The following ATXN1 variants were observed in gnomAD, a reference collection of about 807,000 sequenced individuals.
ATXN1 encodes the protein ataxin 1, also known as ataxin-1.
Under a neutral mutation model 56.4 loss-of-function variants are expected in ATXN1, and 8 were observed. The ratio of observed to expected loss-of-function variants is 0.14; its 90% CI spans 0.08 to 0.26. ATXN1 has a LOEUF of 0.26. Among genes scored for constraint, ATXN1 ranks in the 10% least tolerant of loss-of-function variants. The pLI, the probability that ATXN1 is intolerant of heterozygous loss-of-function variation, is 1.00. For missense variants in ATXN1, 987 were observed against 1,106.5 expected, an observed-to-expected ratio of 0.89 and a Z score of 1.53; for synonymous variants, 514 against 494.6, an observed-to-expected ratio of 1.04 and a Z score of -0.52.
At chr6:16,579,155 G>A (rs1053600456) in intron 4 of ATXN1, among the ~76,000 whole-genome samples, 2 of 152,174 alleles carry the variant, frequency 1.3e-5, no homozygotes, top group African/African-American at 4.8e-5. Flanking sequence ...GCATCTGGAA[G>A]AGGGTTGCCT....
At chr6:16,443,066 C>T (rs1759550782) in intron 6 of ATXN1, among the ~76,000 whole-genome samples, 2 of 151,864 alleles carry the variant, frequency 1.3e-5, no homozygotes, top group Admixed American at 6.6e-5. Context: ...CCTGTAGTCC[C>T]AGCTACTTGG....
chr6:16,550,017 G>A (rs1306787185), intron 4 of ATXN1, among the ~76,000 whole-genome samples: 1 of 151,642 alleles, frequency 6.6e-6, no homozygotes, highest in African/African-American at 2.4e-5. Context: ...GTTGGGGACT[G>A]GGGTGGGGAG....
At chr6:16,601,512 A>G (rs1410401668) in intron 3 of ATXN1, among the ~76,000 whole-genome samples, 1 of 152,088 alleles carries the variant, frequency 6.6e-6, no homozygotes, top group Admixed American at 6.5e-5. Context: ...TTCTATTCTG[A>G]CTTTCTAACA....
chr6:16,486,622 C>T (rs565086844), intron 5 of ATXN1, among the ~76,000 whole-genome samples: 232 of 152,226 alleles, frequency 1.5e-3, no homozygotes, highest in Non-Finnish European at 1.4e-3. Flanking sequence ...TCAACTATCC[C>T]GGGAGCATCC....
At chr6:16,459,747 G>A (rs556025562) in intron 6 of ATXN1, among the ~76,000 whole-genome samples, 22 of 152,258 alleles carry the variant, frequency 1.4e-4, no homozygotes, top group Middle Eastern at 6.8e-3. Flanking sequence ...TCATCTGTTT[G>A]GTCAGGCACT....
intron 7 of ATXN1, among the ~76,000 whole-genome samples, chr6:16,315,185 G>C (rs190943390): frequency 1.3e-5 from 2 of 152,174 alleles, no homozygotes; most frequent in East Asian, 3.9e-4. Context: ...CAGACCTCCC[G>C]ATGTGCCCCT....
intron 4 of ATXN1, among the ~76,000 whole-genome samples, chr6:16,562,453 AAGGAG>A (rs60418833): frequency 0.61 from 69,337 of 114,090 alleles, 22,667 homozygotes; most frequent in Non-Finnish European, 0.73. Context: ...AAAGAAAGAA[AAGGAG>A]AGGAGAGGAG....
chr6:16,518,090 C>A lies in ATXN1; in HGVS notation c.-299+4537G>T, dbSNP rs190002992. Among the ~76,000 whole-genome samples, 501 of 150,006 alleles carry A rather than the reference C, an allele frequency of 3.3e-3. 1 individual carries two copies. Among genetic ancestry groups the A allele is most frequent in the African/African-American group, 0.012 (486 of 40,342 alleles). ...ATAGAGGAGACTAACAATAAACCAG[C>A]AGTCGGATGCAGAAGCCCAAGCGCC... On this transcript the variant is annotated intron_variant, in intron 5 of 7. Coordinates refer to ENST00000436367, the MANE Select transcript of ATXN1 (RefSeq NM_001128164.2).
chr6:16,624,212 G>A lies in ATXN1; in HGVS notation c.-489+33564C>T, dbSNP rs575145521. Reference sequence around the variant, plus strand: ...CTAAAAATACAGAAATTAGCCAGGCGTCGTGGCAGGTTCCTGTAATCCCAG... The same window carrying A: ...CTAAAAATACAGAAATTAGCCAGGCATCGTGGCAGGTTCCTGTAATCCCAG... On this transcript the variant is annotated intron_variant, in intron 3 of 7. Transcript: ENST00000436367. Among the ~76,000 whole-genome samples the A allele has an allele frequency of 1.1e-4, 16 of 152,168 alleles. No homozygotes were observed. The South Asian group carries it at 1.2e-3, about 12-fold the overall frequency.
chr6:16,683,971 TG>T (rs1175305253), intron 2 of ATXN1, among the ~76,000 whole-genome samples: 1 of 152,218 alleles, frequency 6.6e-6, no homozygotes. Flanking sequence ...GCCCCTCCCT[TG>T]GTCTGGCATG....
At chr6:16,518,356 A>G (rs1761225164) in intron 5 of ATXN1, among the ~76,000 whole-genome samples, 1 of 152,138 alleles carries the variant, frequency 6.6e-6, no homozygotes, top group Non-Finnish European at 1.5e-5. Flanking sequence ...CCCTCCTTGG[A>G]TAGGGTGAAT....
chr6:16,587,229 T>G (rs186935127), intron 3 of ATXN1, among the ~76,000 whole-genome samples: 1 of 152,212 alleles, frequency 6.6e-6, no homozygotes, highest in Non-Finnish European at 1.5e-5. Flanking sequence ...CAAATCCAGA[T>G]GCCAAAACAC....
At chr6:16,579,847 TAGAG>T (rs990533142) in intron 4 of ATXN1, among the ~76,000 whole-genome samples, 3 of 149,716 alleles carry the variant, frequency 2.0e-5, no homozygotes, top group African/African-American at 4.9e-5. Flanking sequence ...GCTCCCATTT[TAGAG>T]AGAGAGAGAG....
chr6:16,311,375 A>G (rs556742141), intron 7 of ATXN1, among the ~76,000 whole-genome samples: 1 of 152,332 alleles, frequency 6.6e-6, no homozygotes, highest in African/African-American at 2.4e-5. Flanking sequence ...GTGAGCAAAG[A>G]CATTACAATG....
At chr6:16,475,854 C>T (rs1351099902) in intron 6 of ATXN1, among the ~76,000 whole-genome samples, 2 of 151,418 alleles carry the variant, frequency 1.3e-5, no homozygotes, top group Admixed American at 1.3e-4. Context: ...GTGTCCCTAT[C>T]TTCTCCTTAG....
chr6:16,426,009 C>A lies in ATXN1; in HGVS notation c.-161+59963G>T, dbSNP rs1759146063. ...GCATATGGCACAAGACAGGCTGGAG[C>A]AGATCACAAGGAAAGACTCGTTGGC... On this transcript the variant is annotated intron_variant, in intron 6 of 7. Coordinates refer to ENST00000436367, the MANE Select transcript of ATXN1 (RefSeq NM_001128164.2). Among the ~76,000 whole-genome samples, 3 of 152,122 alleles carry A rather than the reference C, an allele frequency of 2.0e-5. No homozygotes were observed. The South Asian group carries it at 6.2e-4, about 31-fold the overall frequency.
intron 6 of ATXN1, among the ~76,000 whole-genome samples, chr6:16,457,389 A>G (rs1378963483): frequency 6.6e-6 from 1 of 151,904 alleles, no homozygotes; most frequent in African/African-American, 2.4e-5. Context: ...GAGAAGAGAA[A>G]AAAAAAAAAA....
At chr6:16,647,429 T>C (rs1398800205) in intron 3 of ATXN1, among the ~76,000 whole-genome samples, 1 of 152,230 alleles carries the variant, frequency 6.6e-6, no homozygotes. Context: ...CTCAAGAACC[T>C]ACACTTTTCA....
intron 6 of ATXN1, among the ~76,000 whole-genome samples, chr6:16,362,922 C>T (rs554603112): frequency 2.4e-4 from 36 of 152,280 alleles, no homozygotes; most frequent in African/African-American, 8.2e-4. Context: ...TTGCATGGAG[C>T]CGCTCATTTA....
Sources: gnomAD v4.1 joint callset for allele counts (sites outside exome capture counted in the v4.1 genomes callset) on GRCh38, gnomAD v4.1.1 for gene constraint, MANE v1.5 for transcripts, NCBI Gene and HGNC (gene_info 2026-07-23, HGNC 2026-07-21) for gene names.